The following LRRC38 variants were observed in gnomAD, a reference collection of about 807,000 sequenced individuals.
The protein encoded by LRRC38 is leucine-rich repeat-containing protein 38.
A neutral mutation model predicts 16.4 loss-of-function variants in LRRC38; 5 were observed. The observed-to-expected ratio is 0.31, with a 90% CI of 0.16 to 0.64. LRRC38 has a LOEUF of 0.64. Among genes scored for constraint, LRRC38 ranks in the 30% least tolerant of loss-of-function variants. LRRC38 has a pLI of 0.80. For missense variants in LRRC38, 341 were observed against 401.8 expected, an observed-to-expected ratio of 0.85 and a Z score of 1.29; for synonymous variants, 191 against 190.2, an observed-to-expected ratio of 1.00 and a Z score of -0.04.
chr1:13,494,502 T>C (rs1171850271), intron 1 of LRRC38, among the ~76,000 whole-genome samples: 1 of 152,094 alleles, frequency 6.6e-6, no homozygotes, highest in African/African-American at 2.4e-5. Context: ...TGAATATTTT[T>C]GTCCACGTTT....
intron 1 of LRRC38, among the ~76,000 whole-genome samples, chr1:13,505,121 A>C (rs1639198069): frequency 6.6e-6 from 1 of 152,160 alleles, no homozygotes; most frequent in African/African-American, 2.4e-5. Flanking sequence ...ATTCAGCTGG[A>C]GTTAAACTGA....
intron 1 of LRRC38, among the ~76,000 whole-genome samples, chr1:13,482,528 C>T (rs1358950539): frequency 6.8e-6 from 1 of 148,130 alleles, no homozygotes; most frequent in African/African-American, 2.5e-5. Context: ...TGCAGTGAGC[C>T]AAGATTACGC....
intron 1 of LRRC38, among the ~76,000 whole-genome samples, chr1:13,492,661 C>T (rs1042392857): frequency 6.6e-6 from 1 of 151,926 alleles, no homozygotes; most frequent in African/African-American, 2.4e-5. Flanking sequence ...GAGATCGCAC[C>T]AGTGCACTCC....
chr1:13,479,552 A>G (rs1357580223), intron 1 of LRRC38, among the ~76,000 whole-genome samples: 1 of 152,238 alleles, frequency 6.6e-6, no homozygotes, highest in Admixed American at 6.5e-5. Context: ...ACAAAGTGAC[A>G]ATTTTAGAAA....
At chr1:13,477,211 C>T (rs983423640) in intron 1 of LRRC38, among the ~76,000 whole-genome samples, 1 of 152,192 alleles carries the variant, frequency 6.6e-6, no homozygotes, top group African/African-American at 2.4e-5. Flanking sequence ...GCAACTAAGT[C>T]CTCTACTCTC....
At chr1:13,485,184 G>C (rs532466519) in intron 1 of LRRC38, among the ~76,000 whole-genome samples, 1 of 151,916 alleles carries the variant, frequency 6.6e-6, no homozygotes, top group African/African-American at 2.4e-5. Context: ...GGCTGAAGCA[G>C]GAGAATCGCT....
intron 1 of LRRC38, among the ~76,000 whole-genome samples, chr1:13,497,128 G>A (rs1259110643): frequency 6.6e-6 from 1 of 152,158 alleles, no homozygotes; most frequent in African/African-American, 2.4e-5. Flanking sequence ...CAGATCACAG[G>A]AGGCCTTGTG....
intron 1 of LRRC38, among the ~76,000 whole-genome samples, chr1:13,480,213 C>T (rs1487797926): frequency 2.0e-5 from 3 of 152,206 alleles, no homozygotes; most frequent in South Asian, 2.1e-4. Context: ...GGCATGGTGG[C>T]GCATGCCTGT....
At chr1:13,494,463 C>T (rs1569926196) in intron 1 of LRRC38, among the ~76,000 whole-genome samples, 1 of 147,952 alleles carries the variant, frequency 6.8e-6, no homozygotes, top group Non-Finnish European at 1.5e-5. Context: ...TTTACAGGGA[C>T]TCTCTCTCTG....
intron 1 of LRRC38, among the ~76,000 whole-genome samples, chr1:13,500,181 G>C (rs1639130012): frequency 6.6e-6 from 1 of 151,722 alleles, no homozygotes; most frequent in South Asian, 2.1e-4. Flanking sequence ...CTTGAACCCG[G>C]GAGGCAGAGA....
At chr1:13,485,428 T>C (rs897073907) in intron 1 of LRRC38, among the ~76,000 whole-genome samples, 1 of 151,538 alleles carries the variant, frequency 6.6e-6, no homozygotes, top group Non-Finnish European at 1.5e-5. Context: ...TACAAAAAAT[T>C]AGCATGGTGG....
chr1:13,513,668 T>G lies in LRRC38; in HGVS notation c.-75A>C, dbSNP rs950063337. On this transcript the variant is annotated 5_prime_UTR_variant, in exon 1 of 2. Coordinates refer to ENST00000376085, the MANE Select transcript of LRRC38 (RefSeq NM_001010847.2). ...CGAGCCCTGGCGCGGGACGGCGCGGTGAGGCACTGGCTGCCGGGCGCGGGG... is the reference window on the plus strand; with the variant it reads ...CGAGCCCTGGCGCGGGACGGCGCGGGGAGGCACTGGCTGCCGGGCGCGGGG... 1.0e-6 allele frequency: 1 copy of G among 978,646 alleles called. No homozygotes were observed. The highest frequency in any genetic ancestry group is 1.2e-6 in the Non-Finnish European group (1 of 818,442). 60.6% of individuals were successfully genotyped at this position (978,646 alleles called of 1,614,324 possible).
intron 1 of LRRC38, among the ~76,000 whole-genome samples, chr1:13,496,726 G>A (rs565567329): frequency 2.6e-5 from 4 of 152,224 alleles, no homozygotes; most frequent in South Asian, 2.1e-4. Context: ...CAGAACAGAC[G>A]AGGCCCTGCT....
rs1639295559 is a variant in LRRC38 at position 13,513,217 on chromosome 1, G to C, written c.377C>G (p.Ser126Trp). 10 of 1,550,362 alleles carry C rather than the reference G, an allele frequency of 6.5e-6. No homozygotes were observed. Among genetic ancestry groups the C allele is most frequent in the Non-Finnish European group, 8.7e-6 (10 of 1,146,964 alleles). Residue 126 changes from serine (S) to tryptophan (W), a missense_variant, in exon 1 of 2, where the codon TCG becomes TGG. By Grantham distance (177) the Ser-to-Trp change is radical. Transcript: ENST00000376085. ...GCTAAGCTTCACCAGCCTCCCGGCCGAGCGGAAGGCGCCGGCGCCCAGCTG... is the reference window on the plus strand; with the variant it reads ...GCTAAGCTTCACCAGCCTCCCGGCCCAGCGGAAGGCGCCGGCGCCCAGCTG... ...LTQLGAGAFR[S>W]AGRLVKLSLA... is the part of the protein sequence containing the mutation.
chr1:13,513,369 G>T lies in LRRC38; in HGVS notation c.225C>A (p.Phe75Leu), dbSNP rs1234621921. Residue 75 changes from phenylalanine to leucine, a missense_variant, in exon 1 of 2, where the codon TTC (phenylalanine) becomes TTA (leucine). By Grantham distance (22) the Phe-to-Leu change is conservative. Coordinates refer to ENST00000376085, the MANE Select transcript of LRRC38 (RefSeq NM_001010847.2). ...GNRIQRIPED[F>L]FIFYGDLVYL... is the part of the protein sequence containing the mutation. The stretch of plus-strand genomic sequence containing the variant: ...AGACCAGGTCGCCGTAGAAGATGAA[G>T]AAGTCCTCGGGGATCCGCTGGATGC... The T allele has an allele frequency of 1.3e-6, 2 of 1,550,788 alleles. No homozygotes were observed. The highest frequency in any genetic ancestry group is 1.4e-5 in the African/African-American group (1 of 73,158).
At chr1:13,485,349 G>T (rs1031260257) in intron 1 of LRRC38, among the ~76,000 whole-genome samples, 1 of 151,372 alleles carries the variant, frequency 6.6e-6, no homozygotes, top group African/African-American at 2.4e-5. Flanking sequence ...AGGCCGAGGC[G>T]GACAGATCAT....
At chr1:13,476,228 G>A in intron 1 of LRRC38, 129 bp from the exon 2 acceptor site, 2 of 846,012 alleles carry the variant, frequency 2.4e-6, no homozygotes, top group Non-Finnish European at 3.6e-6. Context: ...GGGGGGAAAA[G>A]GCTAATTTAA....
intron 1 of LRRC38, among the ~76,000 whole-genome samples, chr1:13,477,583 AT>A (rs747916592): frequency 2.0e-5 from 3 of 152,088 alleles, no homozygotes; most frequent in Admixed American, 6.6e-5. Context: ...CATGTCTATA[AT>A]CCCAACACCT....
intron 1 of LRRC38, among the ~76,000 whole-genome samples, chr1:13,494,231 G>A (rs1449112040): frequency 6.6e-6 from 1 of 152,156 alleles, no homozygotes; most frequent in Non-Finnish European, 1.5e-5. Flanking sequence ...CCGGGAGCCA[G>A]GTGTCCGCAC....
Sources: gnomAD v4.1 joint callset for allele counts (sites outside exome capture counted in the v4.1 genomes callset) on GRCh38, gnomAD v4.1.1 for gene constraint, MANE v1.5 for transcripts, NCBI Gene and HGNC (gene_info 2026-07-23, HGNC 2026-07-21) for gene names.